The following THSD7A variants were observed in gnomAD, a reference collection of about 807,000 sequenced individuals.
THSD7A encodes the protein thrombospondin type-1 domain-containing protein 7A.
In THSD7A, 96 loss-of-function variants were observed where a neutral mutation model predicts 231.3. The observed-to-expected ratio is 0.41, with a 90% CI of 0.35 to 0.49. The LOEUF (loss-of-function observed/expected upper bound fraction) is 0.49, where lower values mean the gene tolerates loss of function less well. Ranked by LOEUF, THSD7A falls within the 20% of genes least tolerant of loss-of-function variation. The pLI is 0.05. For synonymous variants in THSD7A, 940 were observed against 743.3 expected, an observed-to-expected ratio of 1.26 and a Z score of -4.30; for missense variants, 2,290 against 2,070.2, an observed-to-expected ratio of 1.11 and a Z score of -2.06.
intron 4 of THSD7A, among the ~76,000 whole-genome samples, chr7:11,558,101 T>C (rs1161292674): frequency 2.0e-5 from 3 of 152,166 alleles, no homozygotes; most frequent in Non-Finnish European, 4.4e-5. Context: ...TTCCGTGTTG[T>C]TGGCTTCTTT....
intron 1 of THSD7A, among the ~76,000 whole-genome samples, chr7:11,825,888 A>T (rs74752522): frequency 0.018 from 2,757 of 152,278 alleles, 72 homozygotes; most frequent in African/African-American, 0.063. Context: ...AGTAAATTGT[A>T]AGAACAATTG....
chr7:11,449,790 G>A (rs778405027), intron 11 of THSD7A, among the ~76,000 whole-genome samples: 5 of 151,920 alleles, frequency 3.3e-5, no homozygotes, highest in Admixed American at 6.6e-5. Flanking sequence ...AGTAAGTGCC[G>A]ATGGTTCATG....
At chr7:11,799,686 G>C (rs1784224716) in intron 1 of THSD7A, among the ~76,000 whole-genome samples, 1 of 151,984 alleles carries the variant, frequency 6.6e-6, no homozygotes, top group South Asian at 2.1e-4. Flanking sequence ...GCATATTTTG[G>C]GTTTTTTCTC....
rs1356832413 is a variant in THSD7A, at chr7:11,370,525, T to G, written c.*5269A>C. On this transcript the variant is annotated 3_prime_UTR_variant, in exon 28 of 28. Transcript: ENST00000423059. ...TGAAAATGTAAAAAAGCATATTACA[T>G]CTTCACATGCCATCTGTATTGACTG... 6.6e-6 allele frequency: 1 copy of G among 152,196 alleles called. No individual in the cohort carries two copies. The highest frequency in any genetic ancestry group is 1.5e-5 in the Non-Finnish European group (1 of 68,036). The allele number at this position is 152,196 out of a possible 1,614,324, so 9.4% of individuals were successfully genotyped here.
intron 2 of THSD7A, among the ~76,000 whole-genome samples, chr7:11,625,227 T>C (rs552186209): frequency 6.6e-6 from 1 of 152,244 alleles, no homozygotes; most frequent in South Asian, 2.1e-4. Context: ...AATGATTTTG[T>C]TGTTGTTATT....
At chr7:11,657,817 T>G (rs938608609) in intron 1 of THSD7A, among the ~76,000 whole-genome samples, 1 of 151,786 alleles carries the variant, frequency 6.6e-6, no homozygotes, top group Non-Finnish European at 1.5e-5. Context: ...TTGGTATTGC[T>G]CCTTAATAAA....
chr7:11,481,200 C>T (rs1284188809), intron 7 of THSD7A, among the ~76,000 whole-genome samples: 2 of 152,014 alleles, frequency 1.3e-5, no homozygotes, highest in African/African-American at 4.8e-5. Context: ...GACAAACATG[C>T]TTTATTCACC....
intron 1 of THSD7A, among the ~76,000 whole-genome samples, chr7:11,653,486 G>GTA (rs1206109740): frequency 7.0e-6 from 1 of 143,120 alleles, no homozygotes; most frequent in Non-Finnish European, 1.6e-5. Flanking sequence ...GTGTGTGTGT[G>GTA]TGTGTGTGTG....
Position 11,578,770 on chromosome 7 carries a change from G to A in THSD7A, c.1453+11690C>T, listed in dbSNP as rs1584016103. ...AAGGCATTACAAGGCAGAAAATAGA[G>A]GAAAAGCAAAAGAAAAGGAACTGAA... On this transcript the variant is annotated intron_variant, in intron 4 of 27. Transcript: ENST00000423059. Among the ~76,000 whole-genome samples, 7 of 152,246 alleles carry A rather than the reference G, an allele frequency of 4.6e-5. No homozygotes were observed. In the South Asian group the frequency reaches 1.2e-3, roughly 27 times the overall value.
chr7:11,729,003 G>A (rs549391710), intron 1 of THSD7A, among the ~76,000 whole-genome samples: 1 of 151,672 alleles, frequency 6.6e-6, no homozygotes, highest in East Asian at 2.0e-4. Context: ...AATAAAAGAT[G>A]AAACCATATC....
intron 4 of THSD7A, among the ~76,000 whole-genome samples, chr7:11,573,612 C>T (rs1438874236): frequency 1.3e-5 from 2 of 152,060 alleles, no homozygotes; most frequent in African/African-American, 4.8e-5. Flanking sequence ...TGGCAGGGTT[C>T]CATTTATTCT....
chr7:11,549,902 C>T (rs1789554555), intron 4 of THSD7A, among the ~76,000 whole-genome samples: 1 of 152,190 alleles, frequency 6.6e-6, no homozygotes, highest in South Asian at 2.1e-4. Flanking sequence ...GCACATCCTA[C>T]ACATGTACCC....
intron 1 of THSD7A, chr7:11,821,362 C>A: frequency 1.7e-6 from 1 of 604,980 alleles, no homozygotes; most frequent in Non-Finnish European, 3.1e-6. Flanking sequence ...AATTTGATGA[C>A]TTTTTATCTC....
chr7:11,728,728 CCA>C (rs1781627392), intron 1 of THSD7A, among the ~76,000 whole-genome samples: 2 of 151,712 alleles, frequency 1.3e-5, no homozygotes, highest in African/African-American at 2.4e-5. Context: ...ATTATATATA[CCA>C]AGTAGACTGA....
chr7:11,377,667 T>C lies in THSD7A; in HGVS notation c.4802-1010A>G, dbSNP rs529023474. Among the ~76,000 whole-genome samples, 55 of 152,188 alleles carry C rather than the reference T, an allele frequency of 3.6e-4. No homozygotes were observed. Among genetic ancestry groups the C allele is most frequent in the South Asian group, 2.1e-4 (1 of 4,830 alleles). ...ATCCTAAAGCTTTCATTTTTTAAATTTGAGCTCAGTTTAGAATCAAAAGAG... is the reference window on the plus strand; with the variant it reads ...ATCCTAAAGCTTTCATTTTTTAAATCTGAGCTCAGTTTAGAATCAAAAGAG... On this transcript the variant is annotated intron_variant, in intron 26 of 27. Coordinates refer to ENST00000423059, the MANE Select transcript of THSD7A (RefSeq NM_015204.3). This position sits in a 1 kb window ranked among gnomAD's most constrained non-coding sequence, Gnocchi z 4.5.
intron 1 of THSD7A, among the ~76,000 whole-genome samples, chr7:11,829,138 TC>T (rs540609022): frequency 4.2e-4 from 64 of 152,230 alleles, no homozygotes; most frequent in Non-Finnish European, 7.1e-4. Flanking sequence ...CTGTAAGGCT[TC>T]TGATCAATAG....
At chr7:11,669,403 T>G (rs1441526388) in intron 1 of THSD7A, among the ~76,000 whole-genome samples, 1 of 152,014 alleles carries the variant, frequency 6.6e-6, no homozygotes, top group African/African-American at 2.4e-5. Flanking sequence ...AAGAATAAGA[T>G]GCTTGGCTTG....
intron 1 of THSD7A, chr7:11,820,686 G>T: frequency 1.2e-6 from 1 of 866,412 alleles, no homozygotes; most frequent in East Asian, 2.4e-5. Flanking sequence ...TTAGTCCCCA[G>T]TCTCGATGTC....
intron 6 of THSD7A, among the ~76,000 whole-genome samples, chr7:11,519,117 TATA>T (rs961237641): frequency 2.6e-5 from 4 of 152,164 alleles, no homozygotes; most frequent in African/African-American, 7.2e-5. Flanking sequence ...TTGGTTTATA[TATA>T]ATATCTTTAT....
Sources: gnomAD v4.1 joint callset for allele counts (sites outside exome capture counted in the v4.1 genomes callset) on GRCh38, gnomAD v4.1.1 for gene constraint, Gnocchi (gnomAD v3.1) non-coding constraint, MANE v1.5 for transcripts, NCBI Gene and HGNC (gene_info 2026-07-23, HGNC 2026-07-21) for gene names.